The following PDE4D variants were observed in gnomAD, a reference collection of about 807,000 sequenced individuals.
The protein encoded by PDE4D is phosphodiesterase 4D.
PDE4D carries 24 observed loss-of-function variants against 87.4 expected under a neutral mutation model. The ratio of observed to expected loss-of-function variants is 0.27; its 90% CI spans 0.20 to 0.39. PDE4D has a LOEUF of 0.39. Ranked by LOEUF, PDE4D falls within the 10% of genes least tolerant of loss-of-function variation. PDE4D has a pLI of 1.00. For synonymous variants in PDE4D, 384 were observed against 383.2 expected, an observed-to-expected ratio of 1.00 and a Z score of -0.02; for missense variants, 714 against 1,041.0, an observed-to-expected ratio of 0.69 and a Z score of 4.32.
At chr5:59,559,773 CAA>C (rs1463476770) in intron 1 of PDE4D, among the ~76,000 whole-genome samples, 3 of 152,120 alleles carry the variant, frequency 2.0e-5, no homozygotes, top group Admixed American at 1.3e-4. Context: ...TTACAGCACT[CAA>C]AAAGAGTTCT....
chr5:60,213,110 C>T (rs560150846), intron 1 of PDE4D, among the ~76,000 whole-genome samples: 19 of 152,142 alleles, frequency 1.2e-4, no homozygotes, highest in Admixed American at 3.9e-4. Context: ...CTCCCTTCTT[C>T]CAGAGAGCTC....
At chr5:60,161,734 T>C (rs1406580213) in intron 2 of PDE4D, among the ~76,000 whole-genome samples, 1 of 152,106 alleles carries the variant, frequency 6.6e-6, no homozygotes, top group African/African-American at 2.4e-5. Context: ...TTAATATGTT[T>C]CTAATAATAA....
intron 5 of PDE4D, among the ~76,000 whole-genome samples, chr5:59,044,252 C>T (rs1760243978): frequency 1.3e-5 from 2 of 152,198 alleles, no homozygotes; most frequent in African/African-American, 4.8e-5. Flanking sequence ...GCCATTCTAA[C>T]TGGTGTGAGA....
chr5:59,193,478 C>A, intron 3 of PDE4D, 22 bp downstream of exon 3: 1 of 1,609,514 alleles, frequency 6.2e-7, no homozygotes, highest in Non-Finnish European at 8.5e-7. Flanking sequence ...AGAAACCTGC[C>A]CATTCACCAA....
In PDE4D at chr5:59,208,252, A is replaced by C. The variant is rs558012115; in HGVS notation, c.647+7525T>G. Among the ~76,000 whole-genome samples, 4 of 152,342 alleles carry C rather than the reference A, an allele frequency of 2.6e-5. No individual in the cohort carries two copies. In the South Asian group the frequency reaches 8.3e-4, roughly 32 times the overall value. The stretch of plus-strand genomic sequence containing the variant: ...ATCTAGAAAATAAAATGGTATGCTA[A>C]ATATTAGCACAAAGTCCTAGAGTTC... On this transcript the variant is annotated intron_variant, in intron 2 of 14. Transcript: ENST00000340635.
intron 2 of PDE4D, among the ~76,000 whole-genome samples, chr5:60,162,681 A>G (rs140997175): frequency 1.1e-4 from 16 of 152,254 alleles, no homozygotes; most frequent in South Asian, 1.0e-3. Flanking sequence ...CTCTTGGGAT[A>G]AACTTCAAGA....
intron 1 of PDE4D, among the ~76,000 whole-genome samples, chr5:59,667,675 T>A (rs1055518073): frequency 2.0e-5 from 3 of 152,226 alleles, no homozygotes; most frequent in African/African-American, 7.2e-5. Context: ...TTAGTTTGTG[T>A]AATATGGTAT....
chr5:59,378,598 A>T (rs1227738681), intron 1 of PDE4D, among the ~76,000 whole-genome samples: 2 of 152,228 alleles, frequency 1.3e-5, no homozygotes, highest in Non-Finnish European at 2.9e-5. Flanking sequence ...GTCTTTGCTT[A>T]TACTATGTTC....
At chr5:60,516,118 C>A (rs757204780) in intron 1 of PDE4D, among the ~76,000 whole-genome samples, 7 of 151,890 alleles carry the variant, frequency 4.6e-5, no homozygotes, top group Non-Finnish European at 1.0e-4. Context: ...ATTAAGTTTG[C>A]GATGGAATAG....
chr5:59,087,371 A>G (rs1767900534), intron 5 of PDE4D, among the ~76,000 whole-genome samples: 1 of 152,052 alleles, frequency 6.6e-6, no homozygotes, highest in South Asian at 2.1e-4. Context: ...TTATAGTCCC[A>G]GCTACTTGGG....
intron 1 of PDE4D, among the ~76,000 whole-genome samples, chr5:60,346,441 C>G (rs1758753697): frequency 6.6e-6 from 1 of 152,170 alleles, no homozygotes; most frequent in Admixed American, 6.6e-5. Context: ...ATGCTGTTCT[C>G]TAATACTCAA....
intron 3 of PDE4D, among the ~76,000 whole-genome samples, chr5:59,929,654 G>A (rs1435260465): frequency 6.6e-6 from 1 of 152,200 alleles, no homozygotes; most frequent in Non-Finnish European, 1.5e-5. Flanking sequence ...GGTTAATAAA[G>A]TGGGAATGTG....
chr5:59,616,039 T>C (rs1467764564), intron 1 of PDE4D, among the ~76,000 whole-genome samples: 3 of 152,266 alleles, frequency 2.0e-5, no homozygotes, highest in African/African-American at 7.2e-5. Flanking sequence ...TACATATGTA[T>C]ACATGTGCCA....
intron 1 of PDE4D, among the ~76,000 whole-genome samples, chr5:59,800,101 G>C (rs574303671): frequency 6.6e-6 from 1 of 152,058 alleles, no homozygotes; most frequent in African/African-American, 2.4e-5. Context: ...ATGAAGGGAG[G>C]TCTAGTCATT....
chr5:59,026,046 A>G (rs1756176438), intron 6 of PDE4D, among the ~76,000 whole-genome samples: 1 of 152,278 alleles, frequency 6.6e-6, no homozygotes, highest in Admixed American at 6.5e-5. Context: ...GCAAAAGCCA[A>G]CAAACACATC....
At chr5:59,424,003 G>C (rs891080380) in intron 1 of PDE4D, among the ~76,000 whole-genome samples, 5 of 152,084 alleles carry the variant, frequency 3.3e-5, no homozygotes, top group Non-Finnish European at 7.4e-5. Flanking sequence ...TGGTAGCAGT[G>C]GAGATGGCAT....
At chr5:60,146,337 AT>A (rs1780999912) in intron 2 of PDE4D, among the ~76,000 whole-genome samples, 1 of 152,192 alleles carries the variant, frequency 6.6e-6, no homozygotes, top group Admixed American at 6.5e-5. Flanking sequence ...ATCGTGCAAT[AT>A]TTCACCTTCA....
At chr5:59,498,805 G>T (rs1434260368) in intron 1 of PDE4D, among the ~76,000 whole-genome samples, 1 of 151,978 alleles carries the variant, frequency 6.6e-6, no homozygotes, top group Admixed American at 6.6e-5. Context: ...CCTATGAAAA[G>T]ACTTTCATGG....
At chr5:59,391,352 A>G (rs1165656010) in intron 1 of PDE4D, among the ~76,000 whole-genome samples, 1 of 152,162 alleles carries the variant, frequency 6.6e-6, no homozygotes, top group Non-Finnish European at 1.5e-5. Flanking sequence ...TTGTCAGTAA[A>G]GTGTTGCTTT....
Sources: allele counts gnomAD v4.1 joint callset (sites outside exome capture counted in the v4.1 genomes callset), GRCh38; gene constraint gnomAD v4.1.1; transcripts MANE v1.5; gene names NCBI Gene and HGNC (gene_info 2026-07-23, HGNC 2026-07-21).